Variants in PRKAG2 observed in about 807,000 individuals in gnomAD.
The protein encoded by PRKAG2 is 5'-AMP-activated protein kinase subunit gamma-2.
PRKAG2 carries 26 observed loss-of-function variants against 69.6 expected under a neutral mutation model. That is an observed-to-expected ratio of 0.37 (90% CI 0.27 to 0.52). PRKAG2 has a LOEUF of 0.52. Among genes scored for constraint, PRKAG2 ranks in the 20% least tolerant of loss-of-function variants. The probability of loss-of-function intolerance (pLI) is 0.90; values close to 1 mark genes in which losing one functional copy is unlikely to be tolerated. For synonymous variants in PRKAG2, 293 were observed against 285.0 expected (o/e 1.03, Z -0.28); for missense variants, 557 against 740.0 (o/e 0.75, Z 2.87).
intron 1 of PRKAG2, among the ~76,000 whole-genome samples, chr7:151,862,540 C>T (rs536624038): frequency 3.1e-4 from 47 of 152,134 alleles, no homozygotes; most frequent in Non-Finnish European, 3.8e-4. Context: ...TCCTCACCAT[C>T]ATCATCATCA....
chr7:151,829,469 C>A (rs1006081099), intron 1 of PRKAG2, among the ~76,000 whole-genome samples: 6 of 152,008 alleles, frequency 3.9e-5, no homozygotes, highest in Admixed American at 3.3e-4. Context: ...CCTGGCAGTG[C>A]CTCAAAAGTT....
chr7:151,611,771 G>A (rs933229636), intron 5 of PRKAG2, among the ~76,000 whole-genome samples: 1 of 152,102 alleles, frequency 6.6e-6, no homozygotes, highest in Non-Finnish European at 1.5e-5. Flanking sequence ...AAGCAGTCTC[G>A]GGCCGGGCAC....
At chr7:151,753,788 C>T (rs1436093830) in intron 3 of PRKAG2, among the ~76,000 whole-genome samples, 1 of 151,768 alleles carries the variant, frequency 6.6e-6, no homozygotes, top group Admixed American at 6.6e-5. Context: ...GATCCCAGCA[C>T]TTTGGGAGGT....
chr7:151,790,222 C>G (rs750346283), intron 1 of PRKAG2, among the ~76,000 whole-genome samples: 5 of 152,198 alleles, frequency 3.3e-5, no homozygotes, highest in Non-Finnish European at 7.3e-5. Context: ...TCTGAGCTCT[C>G]TTTCCTTCCT....
intron 3 of PRKAG2, among the ~76,000 whole-genome samples, chr7:151,779,644 G>A (rs1007926269): frequency 2.0e-5 from 3 of 152,206 alleles, no homozygotes; most frequent in South Asian, 2.1e-4. Flanking sequence ...AGACAATCTC[G>A]TCCTTTCTTC....
intron 3 of PRKAG2, among the ~76,000 whole-genome samples, chr7:151,680,856 G>A (rs1185740214): frequency 6.6e-6 from 1 of 152,154 alleles, no homozygotes; most frequent in East Asian, 1.9e-4. Context: ...GCCTTCCTGA[G>A]CTGTCCTCTC....
In PRKAG2 at chr7:151,814,296, C is replaced by G. The variant is rs56129741; in HGVS notation, c.115-27755G>C. 0.088 allele frequency: 58,702 copies of G among 667,416 alleles called. 3,544 individuals are homozygous for G. The highest frequency in any genetic ancestry group is 0.25 in the African/African-American group (13,135 of 52,878). 41.3% of individuals were successfully genotyped at this position (667,416 alleles called of 1,614,324 possible). A position where few individuals can be genotyped will look rare whatever the true frequency, so the allele number is the denominator to read the frequency against. ...ATAAGAGGCTCTTGGAGAACAAAGC[C>G]ACAATTCAGCATCAGTCTTACACAC... On this transcript the variant is annotated intron_variant, in intron 1 of 15. Coordinates refer to ENST00000287878, the MANE Select transcript of PRKAG2 (RefSeq NM_016203.4). This position sits in a 1 kb window ranked among gnomAD's most constrained non-coding sequence, Gnocchi z 4.8.
chr7:151,772,977 A>AAATGAATG (rs1168012217), intron 3 of PRKAG2, among the ~76,000 whole-genome samples: 2 of 136,470 alleles, frequency 1.5e-5, no homozygotes, highest in African/African-American at 5.8e-5. Flanking sequence ...CCCTGTCTCT[A>AAATGAATG]AATGAATGAA....
At chr7:151,692,659 T>G (rs1467722309) in intron 3 of PRKAG2, among the ~76,000 whole-genome samples, 2 of 151,676 alleles carry the variant, frequency 1.3e-5, no homozygotes, top group African/African-American at 4.8e-5. Context: ...TTCGGGGGGG[T>G]TGTCTCTGCA....
At chr7:151,787,731 C>G (rs1346844371) in intron 1 of PRKAG2, among the ~76,000 whole-genome samples, 1 of 152,142 alleles carries the variant, frequency 6.6e-6, no homozygotes, top group Non-Finnish European at 1.5e-5. Context: ...CCCCCCAGGA[C>G]CTCAGAATGT....
chr7:151,684,550 C>T (rs1834397339), intron 3 of PRKAG2, among the ~76,000 whole-genome samples: 2 of 151,996 alleles, frequency 1.3e-5, no homozygotes, highest in South Asian at 4.1e-4. Flanking sequence ...TGATAAGGCC[C>T]GTATTCAGTA....
rs181701821 is a variant in PRKAG2, at chr7:151,803,351, G to A, written c.115-16810C>T. 2.1e-3 allele frequency among the ~76,000 whole-genome samples: 326 copies of A among 152,232 alleles called. 4 individuals are homozygous for A. Among genetic ancestry groups the A allele is most frequent in the Non-Finnish European group, 1.6e-3 (108 of 68,020 alleles). On this transcript the variant is annotated intron_variant, in intron 1 of 15. Coordinates refer to ENST00000287878, the MANE Select transcript of PRKAG2 (RefSeq NM_016203.4). ...AACACTTTGTATAGGAATTTAAGGC[G>A]ATCTTTATCATATTGGGGTTCAAGG...
intron 1 of PRKAG2, among the ~76,000 whole-genome samples, chr7:151,865,755 C>T (rs889486166): frequency 1.3e-5 from 2 of 152,176 alleles, no homozygotes; most frequent in Admixed American, 6.5e-5. Context: ...CGCAGTGGCT[C>T]ACGCCTGTAA....
intron 3 of PRKAG2, among the ~76,000 whole-genome samples, chr7:151,741,118 C>T (rs1008483865): frequency 6.6e-6 from 1 of 151,994 alleles, no homozygotes; most frequent in Non-Finnish European, 1.5e-5. Flanking sequence ...GAGGCTGAGG[C>T]GGGAGGATTG....
At chr7:151,705,516 C>T (rs867334351) in intron 3 of PRKAG2, among the ~76,000 whole-genome samples, 4 of 152,210 alleles carry the variant, frequency 2.6e-5, no homozygotes, top group Non-Finnish European at 4.4e-5. Context: ...AGGGGACAGC[C>T]GACTGTCTGT....
chr7:151,693,046 C>T (rs543668504), intron 3 of PRKAG2, among the ~76,000 whole-genome samples: 28 of 152,292 alleles, frequency 1.8e-4, no homozygotes, highest in African/African-American at 6.5e-4. Context: ...AAAGGTTAGG[C>T]TGGGAGCAGA....
intron 3 of PRKAG2, among the ~76,000 whole-genome samples, chr7:151,726,932 C>T (rs1798072190): frequency 6.6e-6 from 1 of 152,122 alleles, no homozygotes; most frequent in South Asian, 2.1e-4. Flanking sequence ...AAAGGTGATA[C>T]TGGCTGGGCG....
chr7:151,855,502 C>A (rs1248122732), intron 1 of PRKAG2, among the ~76,000 whole-genome samples: 1 of 52,768 alleles, frequency 1.9e-5, no homozygotes, highest in Non-Finnish European at 4.4e-5. Context: ...ACACCACCCT[C>A]CACACACACC....
At chr7:151,661,602 C>T (rs982157283) in intron 4 of PRKAG2, among the ~76,000 whole-genome samples, 14 of 152,154 alleles carry the variant, frequency 9.2e-5, no homozygotes, top group Admixed American at 7.9e-4. Flanking sequence ...TCTGTAATCA[C>T]GCTACGATGA....
Sources: gnomAD v4.1 joint callset for allele counts (sites outside exome capture counted in the v4.1 genomes callset) on GRCh38, gnomAD v4.1.1 for gene constraint, Gnocchi (gnomAD v3.1) non-coding constraint, MANE v1.5 for transcripts, NCBI Gene and HGNC (gene_info 2026-07-23, HGNC 2026-07-21) for gene names.